PTPRZ1: variants seen among roughly 807,000 people sequenced by gnomAD.
The protein encoded by PTPRZ1 is receptor-type tyrosine-protein phosphatase zeta.
In PTPRZ1, 82 loss-of-function variants were observed where a neutral mutation model predicts 214.1. That is an observed-to-expected ratio of 0.38 (90% CI 0.32 to 0.46). The LOEUF (loss-of-function observed/expected upper bound fraction) is 0.46, where lower values mean the gene tolerates loss of function less well. Ranked by LOEUF, PTPRZ1 falls within the 20% of genes least tolerant of loss-of-function variation. The probability of loss-of-function intolerance (pLI) is 1.00; values close to 1 mark genes in which losing one functional copy is unlikely to be tolerated. For missense variants in PTPRZ1, 2,603 were observed against 2,748.7 expected (o/e 0.95, Z 1.19); for synonymous variants, 945 against 987.9 (o/e 0.96, Z 0.81).
intron 10 of PTPRZ1, among the ~76,000 whole-genome samples, chr7:121,998,605 A>G (rs570020667): frequency 4.6e-5 from 7 of 152,282 alleles, no homozygotes; most frequent in South Asian, 4.1e-4. Flanking sequence ...CTCTAAATGT[A>G]TGGGAAAATC....
intron 3 of PTPRZ1, among the ~76,000 whole-genome samples, chr7:121,969,230 C>A (rs571802580): frequency 2.6e-5 from 4 of 151,244 alleles, no homozygotes; most frequent in Middle Eastern, 7.0e-3. Flanking sequence ...AGAGTGAGAT[C>A]CTATCCAAAA....
chr7:122,023,863 G>T, intron 13 of PTPRZ1, among the ~76,000 whole-genome samples: 1 of 127,422 alleles, frequency 7.8e-6, no homozygotes, highest in East Asian at 2.2e-4. Flanking sequence ...AAAAAAAAAA[G>T]ATTGTAGCCA....
At chr7:122,041,622 T>C (rs146208571) in intron 21 of PTPRZ1, among the ~76,000 whole-genome samples, 357 of 152,336 alleles carry the variant, frequency 2.3e-3, no homozygotes, top group African/African-American at 7.8e-3. Flanking sequence ...TATTTAATGT[T>C]TTCAGTTAAA....
chr7:121,930,050 T>C (rs1049264733), intron 2 of PTPRZ1, among the ~76,000 whole-genome samples: 5 of 152,006 alleles, frequency 3.3e-5, no homozygotes, highest in Admixed American at 1.3e-4. Flanking sequence ...ACTGAAGTCA[T>C]GATTTTAATT....
chr7:122,056,413 A>G (rs1792350031), intron 27 of PTPRZ1, among the ~76,000 whole-genome samples: 1 of 151,806 alleles, frequency 6.6e-6, no homozygotes, highest in African/African-American at 2.4e-5. Flanking sequence ...ATAATCCAGG[A>G]GCCCAACCCA....
chr7:121,914,106 G>A (rs1412370866), intron 1 of PTPRZ1, among the ~76,000 whole-genome samples: 2 of 152,224 alleles, frequency 1.3e-5, no homozygotes, highest in South Asian at 2.1e-4. Context: ...TTGAACCCAG[G>A]AGTTCAAGAG....
Position 122,055,006 on chromosome 7 carries a change from C to T in PTPRZ1, c.6447C>T (p.Val2149=), listed in dbSNP as rs552454892. 2.9e-5 allele frequency: 47 copies of T among 1,606,736 alleles called. No homozygotes were observed. In the East Asian group the frequency reaches 1.0e-3, roughly 34 times the overall value. Residue 2149 remains valine (V), a synonymous_variant, in exon 27 of 30, where the codon GTC becomes GTT. Transcript: ENST00000393386. ...CTATAAATTGTGAGAGCTTTAAGGT[C>T]ACTCTTATGGCTGAAGAACACAAAT... ...DEPINCESFK[V]TLMAEEHKCL...
chr7:121,975,259 A>T (rs1187618945), intron 4 of PTPRZ1, among the ~76,000 whole-genome samples: 1 of 152,202 alleles, frequency 6.6e-6, no homozygotes, highest in African/African-American at 2.4e-5. Flanking sequence ...AAGTTTGCTT[A>T]CTTGGATTAT....
intron 2 of PTPRZ1, among the ~76,000 whole-genome samples, chr7:121,944,509 C>T (rs1280209772): frequency 6.6e-6 from 1 of 151,976 alleles, no homozygotes; most frequent in Non-Finnish European, 1.5e-5. Context: ...TTCTGGATTT[C>T]TATTCAGTAA....
At chr7:121,987,002 A>G (rs1419926021) in intron 8 of PTPRZ1, among the ~76,000 whole-genome samples, 2 of 152,184 alleles carry the variant, frequency 1.3e-5, no homozygotes, top group Non-Finnish European at 2.9e-5. Flanking sequence ...TCTCATCAAA[A>G]TATCTGCCTA....
At chr7:121,937,612 C>T (rs767187631) in intron 2 of PTPRZ1, among the ~76,000 whole-genome samples, 4 of 152,144 alleles carry the variant, frequency 2.6e-5, no homozygotes, top group Admixed American at 6.5e-5. Flanking sequence ...TGCAGGCATT[C>T]AGTCCAATTA....
At chr7:121,989,110 G>C (rs1185095854) in intron 8 of PTPRZ1, among the ~76,000 whole-genome samples, 1 of 152,036 alleles carries the variant, frequency 6.6e-6, no homozygotes, top group African/African-American at 2.4e-5. Context: ...TGAACACCTA[G>C]CATATCAAGA....
At chr7:121,923,383 T>A (rs1037682240) in intron 1 of PTPRZ1, among the ~76,000 whole-genome samples, 1 of 152,202 alleles carries the variant, frequency 6.6e-6, no homozygotes, top group Non-Finnish European at 1.5e-5. Context: ...CTTTAAGAGA[T>A]ATGGAATCCT....
intron 3 of PTPRZ1, among the ~76,000 whole-genome samples, chr7:121,971,104 G>C (rs1797231151): frequency 6.6e-6 from 1 of 152,104 alleles, no homozygotes; most frequent in Non-Finnish European, 1.5e-5. Flanking sequence ...TCAAAGATCA[G>C]ATAGCTGTAG....
chr7:121,931,107 T>C (rs1001720692), intron 2 of PTPRZ1, among the ~76,000 whole-genome samples: 6 of 152,218 alleles, frequency 3.9e-5, no homozygotes, highest in Non-Finnish European at 8.8e-5. Context: ...TTATGAGTAT[T>C]AAAGTTCTAC....
At chr7:122,057,168 A>G (rs1164857972) in intron 27 of PTPRZ1, among the ~76,000 whole-genome samples, 2 of 151,872 alleles carry the variant, frequency 1.3e-5, no homozygotes, top group Non-Finnish European at 2.9e-5. Flanking sequence ...GTGTTGGATC[A>G]TCTTCAACTT....
Position 122,042,671 on chromosome 7 carries a change from C to G in PTPRZ1, c.5865C>G (p.His1955Gln). 1.2e-6 allele frequency: 2 copies of G among 1,613,600 alleles called. No homozygotes were observed. The highest frequency in any genetic ancestry group is 2.2e-5 in the South Asian group (2 of 91,068). Residue 1955 changes from histidine to glutamine, a missense_variant, in exon 22 of 30, where the codon CAC becomes CAG. His to Gln is a conservative substitution (Grantham distance 24, BLOSUM62 0). This residue lies in a region of PTPRZ1 where 1,913 missense variants were observed against 1,914.3 expected (regional missense o/e 1.00). Coordinates refer to ENST00000393386, the MANE Select transcript of PTPRZ1 (RefSeq NM_002851.3). Reference sequence around the variant, plus strand: ...ACAGTATGTTGCAGCAGATTCAACACGAAGGAACTGTCAACATATTTGGCT... The same window carrying G: ...ACAGTATGTTGCAGCAGATTCAACAGGAAGGAACTGTCAACATATTTGGCT... ...VLDSMLQQIQ[H>Q]EGTVNIFGFL...
At chr7:122,038,648 G>C (rs1441096989) in intron 18 of PTPRZ1, 107 bp from the exon 19 acceptor site, 3 of 1,067,978 alleles carry the variant, frequency 2.8e-6, no homozygotes, top group African/African-American at 1.6e-5. Context: ...ATTTTTTATG[G>C]TTTTCTTTTA....
chr7:121,884,101 T>C (rs112584513), intron 1 of PTPRZ1, among the ~76,000 whole-genome samples: 9,213 of 146,122 alleles, frequency 0.063, 697 homozygotes, highest in African/African-American at 0.18. Context: ...TGAAAAAATA[T>C]AGACAGTTGT....
Sources: allele counts gnomAD v4.1 joint callset (sites outside exome capture counted in the v4.1 genomes callset), GRCh38; gene constraint gnomAD v4.1.1; regional missense constraint gnomAD v4.1.1; transcripts MANE v1.5; gene names NCBI Gene and HGNC (gene_info 2026-07-23, HGNC 2026-07-21).